The following HDAC9 variants were observed in gnomAD, a reference collection of about 807,000 sequenced individuals.
HDAC9 encodes histone deacetylase 9, also known as MEF-2 interacting transcription repressor (MITR) protein.
HDAC9 carries 41 observed loss-of-function variants against 139.4 expected under a neutral mutation model. The observed-to-expected ratio is 0.29, with a 90% CI of 0.23 to 0.38. The LOEUF is 0.38. HDAC9 is among the 10% of genes least tolerant of loss of function. The pLI is 1.00. For missense variants in HDAC9, 1,147 were observed against 1,297.0 expected (o/e 0.88, Z 1.78); for synonymous variants, 517 against 476.2 (o/e 1.09, Z -1.12).
chr7:18,403,491 A>G (rs1051272356), intron 1 of HDAC9, among the ~76,000 whole-genome samples: 1 of 152,210 alleles, frequency 6.6e-6, no homozygotes, highest in Non-Finnish European at 1.5e-5. Context: ...ATATTCAAAA[A>G]TACACCTGCT....
intron 2 of HDAC9, among the ~76,000 whole-genome samples, chr7:18,498,671 T>G (rs887915228): frequency 6.6e-6 from 1 of 152,008 alleles, no homozygotes; most frequent in African/African-American, 2.4e-5. Flanking sequence ...AGAGCACTGT[T>G]CTAGGAGTCA....
At chr7:18,442,218 A>G (rs1791846146) in intron 1 of HDAC9, among the ~76,000 whole-genome samples, 1 of 152,186 alleles carries the variant, frequency 6.6e-6, no homozygotes, top group Admixed American at 6.5e-5. Context: ...CATCATATTT[A>G]CAGGATTTCT....
Position 18,764,989 on chromosome 7 carries a change from A to G in HDAC9, c.2165-2117A>G, listed in dbSNP as rs534938165. Among the ~76,000 whole-genome samples the G allele has an allele frequency of 5.3e-5, 8 of 152,312 alleles. No homozygotes were observed. In the South Asian group the frequency reaches 6.2e-4, roughly 12 times the overall value. ...AATACTCTAGACCCTGTAAGGTTAC[A>G]TGGAGAAGACATTCTCTCCAATTAT... is the stretch of plus-strand genomic sequence containing the variant. On this transcript the variant is annotated intron_variant, in intron 15 of 25. Transcript: ENST00000686413.
chr7:18,135,292 ATTCTTTTTTTT>A (rs2128105137), intron 1 of HDAC9, among the ~76,000 whole-genome samples: 1 of 144,038 alleles, frequency 6.9e-6, no homozygotes, highest in African/African-American at 2.6e-5. Context: ...TATTTACCAT[ATTCTTTTTTTT>A]TTCTTTTTTT....
chr7:18,590,569 G>A (rs1830667902), intron 4 of HDAC9, 83 bp downstream of exon 4: 1 of 1,363,810 alleles, frequency 7.3e-7, no homozygotes. Context: ...GATAAAGAGT[G>A]CGGTTAGACT....
intron 14 of HDAC9, 130 bp from the exon 15 acceptor site, chr7:18,762,027 G>A: frequency 3.1e-6 from 3 of 971,198 alleles, no homozygotes; most frequent in Admixed American, 2.1e-5. Flanking sequence ...ACTTTACTAA[G>A]CAAATCAGTG....
At chr7:18,468,720 A>G (rs1794494338) in intron 1 of HDAC9, among the ~76,000 whole-genome samples, 1 of 152,202 alleles carries the variant, frequency 6.6e-6, no homozygotes. Flanking sequence ...ATCAATTTGT[A>G]TTTTGTGCAA....
chr7:18,618,584 C>T (rs1440658752), intron 6 of HDAC9, among the ~76,000 whole-genome samples: 1 of 151,866 alleles, frequency 6.6e-6, no homozygotes, highest in African/African-American at 2.4e-5. Context: ...GCCCCACTCT[C>T]TCACGCAGTC....
intron 1 of HDAC9, among the ~76,000 whole-genome samples, chr7:18,137,515 G>A (rs1332751590): frequency 6.6e-6 from 1 of 151,950 alleles, no homozygotes; most frequent in Non-Finnish European, 1.5e-5. Flanking sequence ...TTAGCATGAA[G>A]GGTTGTTGAA....
rs28633468 is a variant in HDAC9 at position 18,695,275 on chromosome 7, G to A, written c.1731+28799G>A. On this transcript the variant is annotated intron_variant, in intron 12 of 25. Transcript: ENST00000686413. ...AAGAATATTATGTTATGTCTATTCA[G>A]GGACTCTTTGGGGGAGGGAACACGA... Among the ~76,000 whole-genome samples the A allele has an allele frequency of 7.1e-3, 1,084 of 152,232 alleles. 7 individuals are homozygous for A. Among genetic ancestry groups the A allele is most frequent in the Middle Eastern group, 0.024 (7 of 294 alleles).
At chr7:18,602,745 G>A (rs1255473741) in intron 6 of HDAC9, among the ~76,000 whole-genome samples, 1 of 151,854 alleles carries the variant, frequency 6.6e-6, no homozygotes, top group Non-Finnish European at 1.5e-5. Context: ...AATTACTTGA[G>A]TATTTGCTAG....
chr7:18,980,992 T>C (rs1784912434), intron 25 of HDAC9, among the ~76,000 whole-genome samples: 1 of 151,730 alleles, frequency 6.6e-6, no homozygotes, highest in Admixed American at 6.6e-5. Context: ...GCCAGCTAAT[T>C]TTTTTTGTAT....
chr7:18,186,684 C>T (rs1041166654), intron 2 of HDAC9, among the ~76,000 whole-genome samples: 1 of 152,162 alleles, frequency 6.6e-6, no homozygotes, highest in African/African-American at 2.4e-5. Flanking sequence ...GAAAGTCACT[C>T]AACTTTTCTG....
At position 18,556,142 on chromosome 7, in the gene HDAC9, T is replaced by C. The variant is rs1238049449; in HGVS notation, c.23-29139T>C. Among the ~76,000 whole-genome samples, 7 of 152,062 alleles carry C rather than the reference T, an allele frequency of 4.6e-5. No homozygotes were observed. In the South Asian group the frequency reaches 6.2e-4, roughly 13 times the overall value. Reference sequence around the variant, plus strand: ...TGTTGGAGGCAGTTCAAAAATGTTATAGCTGTGAATCATGGCTGTATTTAA... The same window carrying C: ...TGTTGGAGGCAGTTCAAAAATGTTACAGCTGTGAATCATGGCTGTATTTAA... On this transcript the variant is annotated intron_variant, in intron 2 of 25. Coordinates refer to ENST00000686413, the MANE Select transcript of HDAC9 (RefSeq NM_178425.4).
intron 13 of HDAC9, 48 bp from the exon 14 acceptor site, chr7:18,748,957 A>T (rs763630393): frequency 6.4e-7 from 1 of 1,569,362 alleles, no homozygotes; most frequent in South Asian, 1.1e-5. Flanking sequence ...ATGTGTCATT[A>T]TCTTGTACTG....
intron 2 of HDAC9, among the ~76,000 whole-genome samples, chr7:18,208,064 G>A (rs778283469): frequency 6.6e-6 from 1 of 152,094 alleles, no homozygotes; most frequent in Non-Finnish European, 1.5e-5. Flanking sequence ...CTTAGGAGTG[G>A]CACAGCTATG....
chr7:18,964,461 C>T (rs1783722293), intron 24 of HDAC9, among the ~76,000 whole-genome samples: 1 of 152,080 alleles, frequency 6.6e-6, no homozygotes, highest in African/African-American at 2.4e-5. Context: ...TTAATGGCAA[C>T]CTGTAAGATC....
intron 21 of HDAC9, among the ~76,000 whole-genome samples, chr7:18,839,001 A>T (rs1368993537): frequency 5.3e-5 from 8 of 152,046 alleles, no homozygotes; most frequent in African/African-American, 1.7e-4. Context: ...GAATTTAAAA[A>T]ATATAATAGA....
intron 23 of HDAC9, among the ~76,000 whole-genome samples, chr7:18,936,230 A>T (rs188606177): frequency 1.7e-3 from 255 of 152,342 alleles, no homozygotes; most frequent in Middle Eastern, 0.01. Context: ...ACATTGAATA[A>T]GAAATAAAAC....
Sources: allele counts gnomAD v4.1 joint callset (sites outside exome capture counted in the v4.1 genomes callset), GRCh38; gene constraint gnomAD v4.1.1; transcripts MANE v1.5; gene names NCBI Gene and HGNC (gene_info 2026-07-23, HGNC 2026-07-21).